KLRG1: variants seen among roughly 807,000 people sequenced by gnomAD.
KLRG1 encodes killer cell lectin-like receptor subfamily G member 1.
Under a neutral mutation model 21.8 loss-of-function variants are expected in KLRG1, and 16 were observed. The ratio of observed to expected loss-of-function variants is 0.73; its 90% CI spans 0.50 to 1.11. The LOEUF (loss-of-function observed/expected upper bound fraction) is 1.11, where lower values mean the gene tolerates loss of function less well. KLRG1 is among the 50% of genes most tolerant of loss of function. KLRG1 has a pLI of 0.00. For synonymous variants in KLRG1, 69 were observed against 75.9 expected (o/e 0.91, Z 0.47); for missense variants, 173 against 218.3 (o/e 0.79, Z 1.31).
intron 3 of KLRG1, among the ~76,000 whole-genome samples, chr12:8,995,792 C>T (rs1947112743): frequency 6.6e-6 from 1 of 151,914 alleles, no homozygotes; most frequent in Admixed American, 6.5e-5. Context: ...AAGCGCTTCT[C>T]CTGCCTCAGC....
chr12:9,069,315 G>A, the KLRG1 span, among the ~76,000 whole-genome samples: 1 of 152,146 alleles, frequency 6.6e-6, no homozygotes, highest in African/African-American at 2.4e-5. Context: ...AAATCAGATT[G>A]GTTTACTGGT....
the KLRG1 span, among the ~76,000 whole-genome samples, chr12:9,197,492 T>C: frequency 7.7e-6 from 1 of 129,064 alleles, no homozygotes; most frequent in South Asian, 2.2e-4. Context: ...TAATATATTA[T>C]ATATAAATAT....
At chr12:9,196,725 G>T in the KLRG1 span, 2 of 1,471,794 alleles carry the variant, frequency 1.4e-6, no homozygotes, top group Non-Finnish European at 1.9e-6. Flanking sequence ...CAAACTGATT[G>T]AGATCAATAG....
chr12:9,120,868 T>TGTGTGTGTGA, the KLRG1 span, among the ~76,000 whole-genome samples: 1 of 151,008 alleles, frequency 6.6e-6, no homozygotes, highest in African/African-American at 2.4e-5. Context: ...TGTGTGTGTG[T>TGTGTGTGTGA]GTGTGTGTGT....
chr12:9,102,591 A>G, the KLRG1 span, among the ~76,000 whole-genome samples: 2 of 152,096 alleles, frequency 1.3e-5, no homozygotes, highest in Admixed American at 1.3e-4. Context: ...TATATTTCCA[A>G]CTTTTCTTCC....
the KLRG1 span, chr12:9,058,574 C>A: frequency 6.6e-6 from 1 of 151,968 alleles, no homozygotes; most frequent in Non-Finnish European, 1.5e-5. Context: ...TTAATATAAA[C>A]AAATCCATAC....
the KLRG1 span, among the ~76,000 whole-genome samples, chr12:9,148,324 G>A: frequency 7.2e-5 from 11 of 152,064 alleles, no homozygotes; most frequent in Non-Finnish European, 1.6e-4. Flanking sequence ...TAGGATGCAG[G>A]TTACTCCCCT....
At chr12:8,965,050 G>A (rs933392679) in intron 1 of KLRG1, among the ~76,000 whole-genome samples, 1 of 152,194 alleles carries the variant, frequency 6.6e-6, no homozygotes, top group East Asian at 1.9e-4. Context: ...ATCAATAAAT[G>A]TAATCCAATA....
chr12:9,195,611 A>T, the KLRG1 span, among the ~76,000 whole-genome samples: 2 of 104,248 alleles, frequency 1.9e-5, no homozygotes, highest in African/African-American at 3.6e-5. Flanking sequence ...CCCACTGCTA[A>T]TTTTTTTTTT....
At chr12:9,083,401 T>C in the KLRG1 span, among the ~76,000 whole-genome samples, 2 of 148,924 alleles carry the variant, frequency 1.3e-5, no homozygotes, top group Non-Finnish European at 3.0e-5. Context: ...AAAAAAGAAA[T>C]AGAAACAATT....
the KLRG1 span, among the ~76,000 whole-genome samples, chr12:9,197,276 CA>C: frequency 6.6e-6 from 1 of 150,650 alleles, no homozygotes; most frequent in African/African-American, 2.4e-5. Context: ...ATGTCTCCCT[CA>C]AAAATATTAG....
At chr12:9,135,331 C>G in the KLRG1 span, 2 of 301,068 alleles carry the variant, frequency 6.6e-6, no homozygotes, top group South Asian at 8.6e-5. Flanking sequence ...TTGGACCGAG[C>G]AGTCAGGAGC....
the KLRG1 span, chr12:9,196,786 A>C: frequency 1.0e-6 from 1 of 959,052 alleles, no homozygotes; most frequent in Non-Finnish European, 1.6e-6. Flanking sequence ...TTTTTTTTGC[A>C]TTAAGTAAGT....
At chr12:9,069,707 T>C in the KLRG1 span, 3 of 1,537,060 alleles carry the variant, frequency 2.0e-6, no homozygotes, top group Admixed American at 1.7e-5. Context: ...AGGATTATTA[T>C]CTACGTTTTT....
At chr12:9,196,732 A>C in the KLRG1 span, 1 of 1,452,088 alleles carries the variant, frequency 6.9e-7, no homozygotes, top group Non-Finnish European at 9.7e-7. Flanking sequence ...ATTGAGATCA[A>C]TAGTCACTGA....
the KLRG1 span, chr12:9,104,103 A>G: frequency 4.7e-6 from 4 of 856,432 alleles, no homozygotes; most frequent in Non-Finnish European, 6.9e-6. Context: ...AAAAAAGTTA[A>G]CCTTCAATCG....
chr12:9,029,785 C>T, the KLRG1 span, among the ~76,000 whole-genome samples: 6 of 151,916 alleles, frequency 3.9e-5, no homozygotes, highest in Non-Finnish European at 7.4e-5. Context: ...TTGAGACAGT[C>T]TCACTCTGTT....
chr12:8,963,825 A>G (rs1946419853), intron 1 of KLRG1, among the ~76,000 whole-genome samples: 1 of 152,050 alleles, frequency 6.6e-6, no homozygotes, highest in Non-Finnish European at 1.5e-5. Context: ...ATTTGCATAG[A>G]GGTGTTTATA....
intron 3 of KLRG1, among the ~76,000 whole-genome samples, chr12:9,001,331 A>G (rs1947300182): frequency 6.6e-6 from 1 of 152,192 alleles, no homozygotes; most frequent in Non-Finnish European, 1.5e-5. Flanking sequence ...ATTATTTTAA[A>G]ATATGAGACT....
Sources: gnomAD v4.1 joint callset for allele counts (sites outside exome capture counted in the v4.1 genomes callset) on GRCh38, gnomAD v4.1.1 for gene constraint, MANE v1.5 for transcripts, NCBI Gene and HGNC (gene_info 2026-07-23, HGNC 2026-07-21) for gene names.